KLHL30: variants seen among roughly 807,000 people sequenced by gnomAD.
KLHL30 encodes kelch like family member 30.
A neutral mutation model predicts 55.0 loss-of-function variants in KLHL30; 55 were observed. The observed-to-expected ratio is 1.00, with a 90% CI of 0.80 to 1.25. The LOEUF is 1.25. Ranked by LOEUF, KLHL30 falls within the 50% of genes most tolerant of loss-of-function variation. KLHL30 has a pLI of 0.00. For synonymous variants in KLHL30, 356 were observed against 372.6 expected (o/e 0.96, Z 0.51); for missense variants, 786 against 811.6 (o/e 0.97, Z 0.38).
intron 2 of KLHL30, 75 bp from the exon 3 acceptor site, chr2:238,142,724 C>G (rs1692564041): frequency 7.7e-7 from 1 of 1,303,138 alleles, no homozygotes; most frequent in Non-Finnish European, 9.9e-7. Context: ...ATGCTGAGGC[C>G]TGCCCAGGAC....
intron 1 of KLHL30, among the ~76,000 whole-genome samples, chr2:238,140,047 A>G (rs1371585305): frequency 1.3e-5 from 2 of 152,210 alleles, no homozygotes; most frequent in Non-Finnish European, 2.9e-5. Flanking sequence ...TGGGCCCCCA[A>G]GCCTAGCTCT....
At chr2:238,143,132 G>A (rs1035371084) in intron 3 of KLHL30, among the ~76,000 whole-genome samples, 3 of 152,168 alleles carry the variant, frequency 2.0e-5, no homozygotes, top group Non-Finnish European at 2.9e-5. Context: ...GAAGGCTGGC[G>A]GGCACTGCTG....
At chr2:238,148,637 C>T (rs960936467) in intron 6 of KLHL30, among the ~76,000 whole-genome samples, 2 of 49,090 alleles carry the variant, frequency 4.1e-5, no homozygotes, top group Non-Finnish European at 7.8e-5. Flanking sequence ...GTACCAGGCC[C>T]GGGGTTGGGG....
chr2:238,140,982 G>A lies in KLHL30; in HGVS notation c.228G>A (p.Leu76=). ...FAESFSARVE[L]RDVEPAVVGQ... ...AGAGCTTCTCTGCGCGCGTGGAGCT[G>A]CGGGACGTGGAGCCCGCCGTGGTGG... is the stretch of plus-strand genomic sequence containing the variant. The change falls in exon 2 of 8, where the codon CTG becomes CTA. Residue 76 remains leucine, a synonymous_variant. Coordinates refer to ENST00000409223, the MANE Select transcript of KLHL30 (RefSeq NM_198582.4). 1.2e-6 allele frequency: 2 copies of A among 1,612,466 alleles called. No homozygotes were observed. Among genetic ancestry groups the A allele is most frequent in the Non-Finnish European group, 1.7e-6 (2 of 1,179,672 alleles).
chr2:238,142,984 G>T, intron 3 of KLHL30, 53 bp downstream of exon 3: 1 of 1,476,572 alleles, frequency 6.8e-7, no homozygotes, highest in Non-Finnish European at 8.9e-7. Context: ...GTCCCAGCGG[G>T]AGCCGCTGTG....
Position 238,151,391 on chromosome 2 carries a change from C to G in KLHL30, c.*326C>G, listed in dbSNP as rs558185903. On this transcript the variant is annotated 3_prime_UTR_variant, in exon 8 of 8. Coordinates refer to ENST00000409223, the MANE Select transcript of KLHL30 (RefSeq NM_198582.4). The stretch of plus-strand genomic sequence containing the variant: ...GCCGGGCCAGCATTCCCAGAGCTTG[C>G]GAGCCCCACTCCTGCCCCTGGACCC... 3 of 415,628 alleles carry G rather than the reference C, an allele frequency of 7.2e-6. No individual in the cohort carries two copies. Among genetic ancestry groups the G allele is most frequent in the African/African-American group, 6.0e-5 (3 of 50,256 alleles). 25.7% of individuals were successfully genotyped at this position (415,628 alleles called of 1,614,324 possible).
chr2:238,150,720 T>C (rs779665332), intron 7 of KLHL30, 94 bp from the exon 8 acceptor site: 1 of 1,416,500 alleles, frequency 7.1e-7, no homozygotes, highest in Non-Finnish European at 9.5e-7. Flanking sequence ...TGGCTGGCTG[T>C]CCTCTCTGCC....
At chr2:238,150,420 G>A (rs1692732441) in intron 7 of KLHL30, among the ~76,000 whole-genome samples, 1 of 152,036 alleles carries the variant, frequency 6.6e-6, no homozygotes, top group South Asian at 2.1e-4. Flanking sequence ...TGAGGCAAGG[G>A]AACCCACGGT....
Position 238,145,663 on chromosome 2 carries a change from ACTT to A in KLHL30, c.995-11_995-9del, listed in dbSNP as rs763863985. The A allele has an allele frequency of 2.0e-4, 311 of 1,567,498 alleles. No homozygotes were observed. The highest frequency in any genetic ancestry group is 2.4e-4 in the Non-Finnish European group (283 of 1,158,390). On this transcript the variant is annotated splice_polypyrimidine_tract_variant and intron_variant, in intron 4 of 7. Coordinates refer to ENST00000409223, the MANE Select transcript of KLHL30 (RefSeq NM_198582.4). ...GGCTGGTGGCACCCATGTAGACAGA[ACTT>A]CTCCCGGCAGGTGGCTCTCGGGGCA... is the stretch of plus-strand genomic sequence containing the variant.
At chr2:238,140,402 G>T (rs1692510040) in intron 1 of KLHL30, among the ~76,000 whole-genome samples, 1 of 152,184 alleles carries the variant, frequency 6.6e-6, no homozygotes, top group South Asian at 2.1e-4. Flanking sequence ...CCAGGGCATG[G>T]GTTCTTTTGC....
At chr2:238,142,619 G>A (rs919195348) in intron 2 of KLHL30, among the ~76,000 whole-genome samples, 180 bp from the exon 3 acceptor site, 3 of 152,218 alleles carry the variant, frequency 2.0e-5, no homozygotes, top group African/African-American at 7.2e-5. Flanking sequence ...GGAACTCCAG[G>A]AATGCCCCTG....
At chr2:238,140,397 G>A (rs1692509884) in intron 1 of KLHL30, among the ~76,000 whole-genome samples, 1 of 152,180 alleles carries the variant, frequency 6.6e-6, no homozygotes, top group Non-Finnish European at 1.5e-5. Flanking sequence ...GACACCCAGG[G>A]CATGGGTTCT....
At chr2:238,141,746 A>T (rs1692546119) in intron 2 of KLHL30, among the ~76,000 whole-genome samples, 1 of 152,248 alleles carries the variant, frequency 6.6e-6, no homozygotes, top group Non-Finnish European at 1.5e-5. Context: ...TGCAAGGGGC[A>T]GGGGAATGTG....
At chr2:238,142,666 C>A in intron 2 of KLHL30, 133 bp from the exon 3 acceptor site, 1 of 893,642 alleles carries the variant, frequency 1.1e-6, no homozygotes, top group Non-Finnish European at 1.5e-6. Flanking sequence ...AGCTTGTGCA[C>A]TCGGGCACAC....
At chr2:238,140,527 G>A (rs1270968132) in intron 1 of KLHL30, among the ~76,000 whole-genome samples, 158 bp from the exon 2 acceptor site, 1 of 152,150 alleles carries the variant, frequency 6.6e-6, no homozygotes, top group African/African-American at 2.4e-5. Flanking sequence ...GGGTTCTGGG[G>A]GTGGCTTGAG....
intron 6 of KLHL30, among the ~76,000 whole-genome samples, chr2:238,148,563 G>C (rs1392927952): frequency 2.0e-5 from 3 of 147,474 alleles, no homozygotes; most frequent in Non-Finnish European, 4.5e-5. Context: ...CCTGTTCTGA[G>C]GCGTGGATGT....
rs868269368 is a variant in KLHL30, at chr2:238,144,430, G to T, written c.908-472G>T. 7.0e-4 allele frequency among the ~76,000 whole-genome samples: 63 copies of T among 89,916 alleles called. 1 individual carries two copies. The highest frequency in any genetic ancestry group is 0.011 in the Middle Eastern group (2 of 182). The allele number at this position is 89,916 out of a possible 152,430, so 59.0% of individuals were successfully genotyped here. ...AGGAAGGAAGGAAGGAAGGAAGGAA[G>T]GAAGGCAGGCAGGCAGGCAGGCAGG... On this transcript the variant is annotated intron_variant, in intron 3 of 7. Transcript: ENST00000409223.
In KLHL30 at chr2:238,149,106, C is replaced by A; in HGVS notation, c.1439C>A (p.Thr480Asn). The A allele has an allele frequency of 6.2e-7, 1 of 1,613,164 alleles. No homozygotes were observed. Among genetic ancestry groups the A allele is most frequent in the African/African-American group, 1.3e-5 (1 of 75,052 alleles). Reference protein sequence around the residue: ...HGELYLIGDNTKKVYVYDPGA... With the variant: ...HGELYLIGDNNKKVYVYDPGA... ...GAGCTCTACCTCATTGGGGACAACACCAAGAAGGTCTACGTGTACGACCCC... is the reference window on the plus strand; with the variant it reads ...GAGCTCTACCTCATTGGGGACAACAACAAGAAGGTCTACGTGTACGACCCC... Residue 480 changes from threonine to asparagine, a missense_variant, in exon 7 of 8, where the codon ACC becomes AAC. Transcript: ENST00000409223.
chr2:238,142,618 G>A (rs1299259722), intron 2 of KLHL30, among the ~76,000 whole-genome samples, 181 bp from the exon 3 acceptor site: 1 of 152,226 alleles, frequency 6.6e-6, no homozygotes, highest in Admixed American at 6.5e-5. Flanking sequence ...AGGAACTCCA[G>A]GAATGCCCCT....
Sources: allele counts gnomAD v4.1 joint callset (sites outside exome capture counted in the v4.1 genomes callset), GRCh38; gene constraint gnomAD v4.1.1; transcripts MANE v1.5; gene names NCBI Gene and HGNC (gene_info 2026-07-23, HGNC 2026-07-21).